TBC1D10A: variants seen among roughly 807,000 people sequenced by gnomAD.
The protein encoded by TBC1D10A is EBP50-PDX interactor of 64 kDa.
TBC1D10A carries 24 observed loss-of-function variants against 52.9 expected under a neutral mutation model. That is an observed-to-expected ratio of 0.45 (90% CI 0.33 to 0.64). The LOEUF is 0.64. Ranked by LOEUF, TBC1D10A falls within the 30% of genes least tolerant of loss-of-function variation. The pLI, the probability that TBC1D10A is intolerant of heterozygous loss-of-function variation, is 0.02. For synonymous variants in TBC1D10A, 278 were observed against 282.9 expected (o/e 0.98, Z 0.17); for missense variants, 602 against 687.9 (o/e 0.88, Z 1.40).
Position 30,326,809 on chromosome 22 carries a change from T to C in TBC1D10A, c.73A>G (p.Ser25Gly). The C allele has an allele frequency of 6.8e-7, 1 of 1,475,050 alleles. No homozygotes were observed. The highest frequency in any genetic ancestry group is 9.0e-7 in the Non-Finnish European group (1 of 1,113,694). 91.4% of individuals were successfully genotyped at this position (1,475,050 alleles called of 1,614,324 possible). Residue 25 changes from serine to glycine, a missense_variant, in exon 1 of 9, where the codon AGC becomes GGC. Ser to Gly is a moderately conservative substitution (Grantham distance 56, BLOSUM62 0). Coordinates refer to ENST00000215790, the MANE Select transcript of TBC1D10A (RefSeq NM_031937.3). ...AGESLSGTRE[S>G]LAQGPDAATT... ...GCGGCGTCGGGGCCCTGGGCCAGGCTCTCCCGGGTTCCCGACAGGCTTTCC... is the reference window on the plus strand; with the variant it reads ...GCGGCGTCGGGGCCCTGGGCCAGGCCCTCCCGGGTTCCCGACAGGCTTTCC...
At chr22:30,318,633 C>A (rs1244292272) in intron 1 of TBC1D10A, 1 of 471,198 alleles carries the variant, frequency 2.1e-6, no homozygotes, top group East Asian at 6.9e-5. Flanking sequence ...GCCAAAGCCA[C>A]TTCAGCTAGT....
intron 1 of TBC1D10A, among the ~76,000 whole-genome samples, chr22:30,308,292 A>ATGCATGCC (rs771516365): frequency 6.4e-5 from 5 of 78,718 alleles, no homozygotes; most frequent in African/African-American, 2.5e-4. Context: ...GCATGCCTGC[A>ATGCATGCC]TGCCTGCATG....
rs1452837570 is a variant in TBC1D10A at position 30,293,225 on chromosome 22, G to T, written c.1051-374C>A. The T allele has an allele frequency of 1.4e-5, 9 of 622,752 alleles. 1 individual carries two copies. In the East Asian group the frequency reaches 3.2e-4, roughly 22 times the overall value. 38.6% of individuals were successfully genotyped at this position (622,752 alleles called of 1,614,324 possible). ...TCAAATTCCAGCTCCACCTGGGTGG[G>T]TGACTTTAAGGGGAGTTGCTTAGTG... On this transcript the variant is annotated intron_variant, in intron 8 of 8. Transcript: ENST00000215790.
rs560427852 is a variant in TBC1D10A at position 30,309,317 on chromosome 22, AC to A, written c.210-4688del. Among the ~76,000 whole-genome samples the A allele has an allele frequency of 4.8e-3, 721 of 151,612 alleles. 8 individuals carry two copies. The highest frequency in any genetic ancestry group is 4.3e-3 in the Non-Finnish European group (295 of 67,892). The stretch of plus-strand genomic sequence containing the variant: ...AGTGGCATGATCTCAGCTCACTGCA[AC>A]CTCCACCTCCCGGGTTTAAGTGATT... On this transcript the variant is annotated intron_variant, in intron 1 of 8. Transcript: ENST00000215790.
intron 1 of TBC1D10A, among the ~76,000 whole-genome samples, chr22:30,307,122 G>A (rs1429177082): frequency 6.6e-6 from 1 of 152,116 alleles, no homozygotes; most frequent in Non-Finnish European, 1.5e-5. Flanking sequence ...GGGCCAGAGG[G>A]GTCCCTGAAA....
At chr22:30,293,171 G>T in intron 8 of TBC1D10A, 1 of 635,320 alleles carries the variant, frequency 1.6e-6, no homozygotes, top group Non-Finnish European at 3.0e-6. Context: ...GTCACCCACC[G>T]CTGCCCAGGG....
chr22:30,296,179 G>A (rs1213177811), intron 3 of TBC1D10A: 1 of 250,232 alleles, frequency 4.0e-6, no homozygotes, highest in Non-Finnish European at 7.8e-6. Context: ...CCTTAAGACA[G>A]AAGGCTGCTT....
At chr22:30,313,341 A>ATGTG (rs6147586) in intron 1 of TBC1D10A, among the ~76,000 whole-genome samples, 13,239 of 137,726 alleles carry the variant, frequency 0.096, 678 homozygotes, top group Admixed American at 0.15. Flanking sequence ...TGCTCAATAA[A>ATGTG]TGTGTGTGTG....
At chr22:30,295,166 G>A (rs1170800290) in intron 4 of TBC1D10A, 111 bp from the exon 5 acceptor site, 1 of 1,050,180 alleles carries the variant, frequency 9.5e-7, no homozygotes, top group East Asian at 2.6e-5. Context: ...TCCCTTGAGA[G>A]GGAAGGTGAT....
At chr22:30,326,525 G>T in intron 1 of TBC1D10A, 148 bp downstream of exon 1, 1 of 751,536 alleles carries the variant, frequency 1.3e-6, no homozygotes, top group Non-Finnish European at 2.0e-6. Context: ...GAAGGCAGGG[G>T]TGGTGGGGGT....
chr22:30,310,386 A>G (rs998250237), intron 1 of TBC1D10A, among the ~76,000 whole-genome samples: 6 of 152,222 alleles, frequency 3.9e-5, no homozygotes, highest in African/African-American at 1.2e-4. Context: ...CCTTTGAGGA[A>G]GGCAGGGCAT....
At chr22:30,321,617 C>T (rs1930653854) in intron 1 of TBC1D10A, among the ~76,000 whole-genome samples, 1 of 152,238 alleles carries the variant, frequency 6.6e-6, no homozygotes, top group African/African-American at 2.4e-5. Context: ...AGATCCCTTG[C>T]TCCCATAACA....
intron 1 of TBC1D10A, among the ~76,000 whole-genome samples, chr22:30,318,258 C>T (rs1421787093): frequency 2.0e-5 from 3 of 152,160 alleles, no homozygotes; most frequent in Non-Finnish European, 2.9e-5. Flanking sequence ...AAGGCCCAAA[C>T]CCACCCTTCC....
intron 1 of TBC1D10A, chr22:30,305,774 GTCT>G (rs905591335): frequency 3.9e-5 from 6 of 152,236 alleles, no homozygotes; most frequent in African/African-American, 1.2e-4. Flanking sequence ...AAAAGGGAAG[GTCT>G]TCTTCAGTGC....
In TBC1D10A at chr22:30,293,707, C is replaced by T. The variant is rs778843571; in HGVS notation, c.994G>A (p.Glu332Lys). 14 of 1,612,788 alleles carry T rather than the reference C, an allele frequency of 8.7e-6. No homozygotes were observed. Among genetic ancestry groups the T allele is most frequent in the Admixed American group, 5.0e-5 (3 of 59,988 alleles). ...KACQGQYETI[E>K]RLRSLSPKIM... is the part of the protein sequence containing the mutation. ...TTGGGGCTGAGGCTCCGCAGTCGCT[C>T]GATGGTCTCGTACTGGCCCTGGCAG... is the stretch of plus-strand genomic sequence containing the variant. Residue 332 changes from glutamate to lysine, a missense_variant, in exon 8 of 9, where the codon GAG becomes AAG. Physicochemically the swap from Glu to Lys is moderately conservative, Grantham distance 56. Coordinates refer to ENST00000215790, the MANE Select transcript of TBC1D10A (RefSeq NM_031937.3).
At chr22:30,312,876 G>A (rs755381036) in intron 1 of TBC1D10A, among the ~76,000 whole-genome samples, 22 of 152,146 alleles carry the variant, frequency 1.4e-4, no homozygotes, top group Admixed American at 2.0e-4. Flanking sequence ...CTACAAAGAT[G>A]AATAAAATGT....
chr22:30,306,761 C>A (rs1930317768), intron 1 of TBC1D10A, among the ~76,000 whole-genome samples: 1 of 152,130 alleles, frequency 6.6e-6, no homozygotes, highest in Non-Finnish European at 1.5e-5. Flanking sequence ...GTTTAATCTA[C>A]CTGGAGATGG....
In TBC1D10A at chr22:30,293,631, G is replaced by A. The variant is rs1221724580; in HGVS notation, c.1050+20C>T. Reference sequence around the variant, plus strand: ...CTGTCTTCCTCCCTCCCCATGATAAGGGGCAGGCATGGGCTGTACCTCCTG... The same window carrying A: ...CTGTCTTCCTCCCTCCCCATGATAAAGGGCAGGCATGGGCTGTACCTCCTG... On this transcript the variant is annotated intron_variant, in intron 8 of 8. Coordinates refer to ENST00000215790, the MANE Select transcript of TBC1D10A (RefSeq NM_031937.3). 1.9e-6 allele frequency: 3 copies of A among 1,589,324 alleles called. No individual in the cohort carries two copies. The highest frequency in any genetic ancestry group is 2.7e-5 in the African/African-American group (2 of 74,254).
At chr22:30,312,987 C>A (rs1409709004) in intron 1 of TBC1D10A, among the ~76,000 whole-genome samples, 1 of 152,140 alleles carries the variant, frequency 6.6e-6, no homozygotes, top group African/African-American at 2.4e-5. Flanking sequence ...GTAGAAGGGG[C>A]TAGGAGACTG....
Sources: gnomAD v4.1 joint callset for allele counts (sites outside exome capture counted in the v4.1 genomes callset) on GRCh38, gnomAD v4.1.1 for gene constraint, MANE v1.5 for transcripts, NCBI Gene and HGNC (gene_info 2026-07-23, HGNC 2026-07-21) for gene names.